The following ILRUN variants were observed in gnomAD, a reference collection of about 807,000 sequenced individuals.
ILRUN encodes the protein protein ILRUN.
In ILRUN, 3 loss-of-function variants were observed where a neutral mutation model predicts 33.8. That is an observed-to-expected ratio of 0.09 (90% CI 0.04 to 0.23). ILRUN has a LOEUF of 0.23. Ranked by LOEUF, ILRUN falls within the 10% of genes least tolerant of loss-of-function variation. ILRUN has a pLI of 1.00. For missense variants in ILRUN, 210 were observed against 375.1 expected (o/e 0.56, Z 3.64); for synonymous variants, 124 against 138.9 (o/e 0.89, Z 0.75).
At chr6:34,672,142 G>C (rs1434987776) in intron 1 of ILRUN, among the ~76,000 whole-genome samples, 1 of 151,122 alleles carries the variant, frequency 6.6e-6, no homozygotes, top group Non-Finnish European at 1.5e-5. Flanking sequence ...TCGCTCTGTC[G>C]TTCAGGCTGG....
At chr6:34,683,096 T>C (rs1763407181) in intron 1 of ILRUN, among the ~76,000 whole-genome samples, 1 of 151,484 alleles carries the variant, frequency 6.6e-6, no homozygotes, top group African/African-American at 2.4e-5. Context: ...TATAAAAACC[T>C]ACCTTTTTGA....
chr6:34,636,826 G>T (rs926069742), intron 3 of ILRUN, among the ~76,000 whole-genome samples: 1 of 152,082 alleles, frequency 6.6e-6, no homozygotes, highest in Non-Finnish European at 1.5e-5. Flanking sequence ...TGATCTAGGG[G>T]CAAGTGCACA....
At chr6:34,673,544 T>C (rs763717860) in intron 1 of ILRUN, among the ~76,000 whole-genome samples, 126 of 152,078 alleles carry the variant, frequency 8.3e-4, no homozygotes, top group Non-Finnish European at 2.9e-4. Flanking sequence ...GGCTCAAGTG[T>C]TGATAAACAT....
At chr6:34,666,179 C>T (rs1762995079) in intron 1 of ILRUN, among the ~76,000 whole-genome samples, 1 of 152,180 alleles carries the variant, frequency 6.6e-6, no homozygotes, top group African/African-American at 2.4e-5. Flanking sequence ...AAACTCTGAC[C>T]CCCAACTCTA....
chr6:34,650,438 T>C (rs2127362411), intron 2 of ILRUN, among the ~76,000 whole-genome samples: 2 of 129,648 alleles, frequency 1.5e-5, no homozygotes, highest in South Asian at 4.6e-4. Context: ...TTTATTTATT[T>C]ATTTATTTAT....
At chr6:34,645,704 T>C (rs868730945) in intron 3 of ILRUN, among the ~76,000 whole-genome samples, 162 of 152,302 alleles carry the variant, frequency 1.1e-3, no homozygotes, top group African/African-American at 3.7e-3. Context: ...TGTTAAAAGT[T>C]CTGCCCATAA....
chr6:34,663,751 C>T (rs551162881), intron 1 of ILRUN, among the ~76,000 whole-genome samples: 130 of 152,192 alleles, frequency 8.5e-4, no homozygotes, highest in Non-Finnish European at 1.7e-3. Flanking sequence ...CAGAATTGTA[C>T]AACCATCACC....
chr6:34,693,667 A>ATTTTTT (rs71810129), intron 1 of ILRUN, among the ~76,000 whole-genome samples: 2 of 142,106 alleles, frequency 1.4e-5, no homozygotes, highest in Non-Finnish European at 3.1e-5. Context: ...GTTTTATTTT[A>ATTTTTT]TTTTATTTTT....
intron 1 of ILRUN, among the ~76,000 whole-genome samples, chr6:34,687,612 C>A (rs947191809): frequency 5.3e-5 from 8 of 150,932 alleles, no homozygotes; most frequent in Non-Finnish European, 1.0e-4. Context: ...GCAGGAGAAT[C>A]ACTTGAATCC....
intron 3 of ILRUN, among the ~76,000 whole-genome samples, chr6:34,629,538 T>C (rs1762203079): frequency 1.3e-5 from 2 of 152,362 alleles, no homozygotes; most frequent in South Asian, 4.1e-4. Context: ...ATGTAATTCC[T>C]ACTGTTGCTC....
At chr6:34,632,496 C>A (rs1762268600) in intron 3 of ILRUN, among the ~76,000 whole-genome samples, 2 of 151,614 alleles carry the variant, frequency 1.3e-5, no homozygotes, top group Non-Finnish European at 2.9e-5. Context: ...GTTTCCTTTT[C>A]TCTTTAGACT....
At chr6:34,622,780 A>G (rs1032726337) in intron 3 of ILRUN, among the ~76,000 whole-genome samples, 1 of 152,240 alleles carries the variant, frequency 6.6e-6, no homozygotes, top group African/African-American at 2.4e-5. Flanking sequence ...ACAGGGTCTC[A>G]AAGAGATATT....
At chr6:34,696,353 T>C in intron 1 of ILRUN, 93 bp downstream of exon 1, 1 of 1,367,276 alleles carries the variant, frequency 7.3e-7, no homozygotes, top group Non-Finnish European at 9.8e-7. Context: ...AGTACCCGCC[T>C]GGCTCGCCCT....
intron 1 of ILRUN, among the ~76,000 whole-genome samples, chr6:34,695,776 T>A (rs897237822): frequency 6.6e-6 from 1 of 151,526 alleles, no homozygotes; most frequent in Non-Finnish European, 1.5e-5. Flanking sequence ...GGGTCCTCCA[T>A]GTGTCGATTT....
intron 4 of ILRUN, among the ~76,000 whole-genome samples, chr6:34,605,318 CAAA>C (rs78612898): frequency 0.025 from 1,888 of 74,120 alleles, 53 homozygotes; most frequent in African/African-American, 0.081. Flanking sequence ...AAAACAAAAA[CAAA>C]AAAAAAAAAA....
At chr6:34,644,472 G>A (rs1762530220) in intron 3 of ILRUN, among the ~76,000 whole-genome samples, 1 of 152,136 alleles carries the variant, frequency 6.6e-6, no homozygotes, top group African/African-American at 2.4e-5. Flanking sequence ...GAGAGGTGAA[G>A]AGCTAATATA....
At chr6:34,635,544 A>AAAGGAAGG (rs571458905) in intron 3 of ILRUN, among the ~76,000 whole-genome samples, 166 of 120,132 alleles carry the variant, frequency 1.4e-3, no homozygotes, top group South Asian at 3.2e-3. Flanking sequence ...AAAAAGAAAG[A>AAAGGAAGG]AAGGAAGGAA....
At chr6:34,681,577 A>G (rs1041537636) in intron 1 of ILRUN, among the ~76,000 whole-genome samples, 7 of 152,316 alleles carry the variant, frequency 4.6e-5, no homozygotes, top group African/African-American at 1.7e-4. Context: ...CAGTCTGCCA[A>G]CATAGCAAGA....
intron 3 of ILRUN, among the ~76,000 whole-genome samples, chr6:34,609,684 G>T (rs1050219240): frequency 2.0e-5 from 3 of 152,156 alleles, no homozygotes; most frequent in Non-Finnish European, 2.9e-5. Flanking sequence ...GCTGTATTAA[G>T]AACTGGTTGT....
Sources: gnomAD v4.1 joint callset for allele counts (sites outside exome capture counted in the v4.1 genomes callset) on GRCh38, gnomAD v4.1.1 for gene constraint, MANE v1.5 for transcripts, NCBI Gene and HGNC (gene_info 2026-07-23, HGNC 2026-07-21) for gene names.